Variants in SMAP1 observed in about 807,000 individuals in gnomAD.
SMAP1 encodes stromal membrane-associated protein 1.
In SMAP1, 24 loss-of-function variants were observed where a neutral mutation model predicts 58.5. The ratio of observed to expected loss-of-function variants is 0.41; its 90% CI spans 0.30 to 0.58. The LOEUF is 0.58. Among genes scored for constraint, SMAP1 ranks in the 20% least tolerant of loss-of-function variants. The pLI, the probability that SMAP1 is intolerant of heterozygous loss-of-function variation, is 0.29. For missense variants in SMAP1, 563 were observed against 566.3 expected (o/e 0.99, Z 0.06); for synonymous variants, 216 against 196.6 (o/e 1.10, Z -0.82).
chr6:70,844,360 G>A (rs1483738428), intron 7 of SMAP1, among the ~76,000 whole-genome samples: 1 of 152,128 alleles, frequency 6.6e-6, no homozygotes, highest in South Asian at 2.1e-4. Context: ...TGTGTGTGGT[G>A]TCTTCTGAAA....
rs578062886 is a variant in SMAP1, at chr6:70,829,100, T to C, written c.577-7841T>C. On this transcript the variant is annotated intron_variant, in intron 6 of 10. Transcript: ENST00000370455. ...ACACAAAAGTTAATGTCACTACCTT[T>C]ATAAAATCCTAATCACCCACGACTA... Among the ~76,000 whole-genome samples the C allele has an allele frequency of 5.9e-5, 9 of 152,168 alleles. No individual in the cohort carries two copies. The South Asian group carries it at 6.2e-4, about 11-fold the overall frequency.
At chr6:70,762,115 C>T (rs941175213) in intron 3 of SMAP1, among the ~76,000 whole-genome samples, 1 of 152,016 alleles carries the variant, frequency 6.6e-6, no homozygotes, top group Non-Finnish European at 1.5e-5. Context: ...AAATTTCCTT[C>T]GAAAATCTTT....
intron 4 of SMAP1, among the ~76,000 whole-genome samples, chr6:70,785,530 A>T (rs1767974640): frequency 6.6e-6 from 1 of 152,222 alleles, no homozygotes; most frequent in South Asian, 2.1e-4. Flanking sequence ...TTTTGAAAGG[A>T]TCAACAAAAT....
At chr6:70,811,591 C>CAT (rs1308799924) in intron 6 of SMAP1, among the ~76,000 whole-genome samples, 1 of 151,914 alleles carries the variant, frequency 6.6e-6, no homozygotes, top group Non-Finnish European at 1.5e-5. Flanking sequence ...CACACACACA[C>CAT]ATACCAAAAT....
At chr6:70,778,623 C>T (rs904451594) in intron 4 of SMAP1, among the ~76,000 whole-genome samples, 5 of 152,200 alleles carry the variant, frequency 3.3e-5, no homozygotes, top group African/African-American at 1.2e-4. Context: ...AGTTAACCCT[C>T]AAGCCCCTGG....
At chr6:70,738,412 G>A (rs1436011728) in intron 2 of SMAP1, among the ~76,000 whole-genome samples, 1 of 149,784 alleles carries the variant, frequency 6.7e-6, no homozygotes. Flanking sequence ...TCTGAATCTG[G>A]AAGGAATGTT....
chr6:70,736,998 TTCA>T (rs1399197526), intron 2 of SMAP1, among the ~76,000 whole-genome samples: 1 of 152,268 alleles, frequency 6.6e-6, no homozygotes, highest in African/African-American at 2.4e-5. Context: ...GCCTTCTGGC[TTCA>T]TCATTTGTCT....
At chr6:70,683,283 C>T (rs934245757) in intron 1 of SMAP1, among the ~76,000 whole-genome samples, 26 of 151,152 alleles carry the variant, frequency 1.7e-4, no homozygotes, top group Non-Finnish European at 2.7e-4. Context: ...CAGTTTTCTG[C>T]CTCAGCCTTT....
chr6:70,720,714 C>G (rs1304168869), intron 1 of SMAP1, among the ~76,000 whole-genome samples: 2 of 152,154 alleles, frequency 1.3e-5, no homozygotes, highest in Admixed American at 1.3e-4. Context: ...TGGAAGCTGC[C>G]AAGGTTTGGG....
At chr6:70,700,013 A>T (rs1554191049) in intron 1 of SMAP1, among the ~76,000 whole-genome samples, 1 of 151,758 alleles carries the variant, frequency 6.6e-6, no homozygotes, top group Non-Finnish European at 1.5e-5. Context: ...TCATGTTGAG[A>T]TGTTGTATTC....
intron 5 of SMAP1, among the ~76,000 whole-genome samples, chr6:70,797,628 C>A (rs528405841): frequency 5.9e-5 from 9 of 152,120 alleles, no homozygotes; most frequent in South Asian, 2.1e-4. Context: ...CACATTATGG[C>A]CTGGGAATTG....
At chr6:70,736,353 A>G (rs755610760) in intron 2 of SMAP1, among the ~76,000 whole-genome samples, 5 of 152,190 alleles carry the variant, frequency 3.3e-5, no homozygotes, top group African/African-American at 1.2e-4. Context: ...GGAAAGGACC[A>G]AGTTTTTTAT....
chr6:70,841,113 C>G (rs571026578), intron 7 of SMAP1, among the ~76,000 whole-genome samples: 24 of 152,260 alleles, frequency 1.6e-4, no homozygotes, highest in African/African-American at 5.8e-4. Context: ...CAATGGGGCT[C>G]ATTTTTAGAG....
chr6:70,726,367 A>G (rs540571015), intron 1 of SMAP1, among the ~76,000 whole-genome samples: 1 of 152,326 alleles, frequency 6.6e-6, no homozygotes, highest in African/African-American at 2.4e-5. Flanking sequence ...AGAGATCAAT[A>G]AAATGAAGTC....
chr6:70,785,211 C>T (rs949702247), intron 4 of SMAP1, among the ~76,000 whole-genome samples: 3 of 152,046 alleles, frequency 2.0e-5, no homozygotes, highest in Non-Finnish European at 4.4e-5. Context: ...CTACTGGGTA[C>T]ATAACGAAAT....
At chr6:70,706,888 A>C (rs561323238) in intron 1 of SMAP1, among the ~76,000 whole-genome samples, 1 of 152,180 alleles carries the variant, frequency 6.6e-6, no homozygotes, top group Non-Finnish European at 1.5e-5. Context: ...TAGCCCCAGG[A>C]TATATCAAAT....
chr6:70,847,480 T>C (rs1019100476), intron 7 of SMAP1, among the ~76,000 whole-genome samples: 1 of 152,234 alleles, frequency 6.6e-6, no homozygotes, highest in Non-Finnish European at 1.5e-5. Context: ...CTTAAGGTAA[T>C]GAAGAAAGAA....
intron 1 of SMAP1, among the ~76,000 whole-genome samples, chr6:70,721,187 C>T (rs975319334): frequency 3.3e-5 from 5 of 152,146 alleles, no homozygotes; most frequent in Admixed American, 3.3e-4. Flanking sequence ...CTTTTATGCT[C>T]TGCTTCCCTT....
At chr6:70,729,036 T>C (rs1253591446) in intron 1 of SMAP1, among the ~76,000 whole-genome samples, 2 of 152,192 alleles carry the variant, frequency 1.3e-5, no homozygotes, top group African/African-American at 4.8e-5. Context: ...AAACAGCTTT[T>C]CTTTGAAACG....
Sources: allele counts gnomAD v4.1 joint callset (sites outside exome capture counted in the v4.1 genomes callset), GRCh38; gene constraint gnomAD v4.1.1; transcripts MANE v1.5; gene names NCBI Gene and HGNC (gene_info 2026-07-23, HGNC 2026-07-21).